The following KIRREL3 variants were observed in gnomAD, a reference collection of about 807,000 sequenced individuals.
KIRREL3 encodes the protein kin of IRRE-like protein 3.
In KIRREL3, 36 loss-of-function variants were observed where a neutral mutation model predicts 89.7. The observed-to-expected ratio is 0.40, with a 90% confidence interval of 0.31 to 0.53. The LOEUF is 0.53. Ranked by LOEUF, KIRREL3 falls within the 20% of genes least tolerant of loss-of-function variation. The probability of loss-of-function intolerance (pLI) is 0.49; values close to 1 mark genes in which losing one functional copy is unlikely to be tolerated. For synonymous variants in KIRREL3, 445 were observed against 441.4 expected (o/e 1.01, Z -0.10); for missense variants, 864 against 1,056.6 (o/e 0.82, Z 2.53).
rs1950084476 is a variant in KIRREL3 at position 126,993,156 on chromosome 11, C to T, written c.55+7299G>A. ...TAAAAATAACATGTTGATCCCTAAA[C>T]CCGTGATGTAGAGAGGACCACAAAC... On this transcript the variant is annotated intron_variant, in intron 1 of 16. Transcript: ENST00000525144. This position sits in a 1 kb window ranked among gnomAD's most constrained non-coding sequence, Gnocchi z 6.1. 6.6e-6 allele frequency among the ~76,000 whole-genome samples: 1 copy of T among 152,196 alleles called. No homozygotes were observed. The highest frequency in any genetic ancestry group is 1.5e-5 in the Non-Finnish European group (1 of 68,038).
intron 1 of KIRREL3, among the ~76,000 whole-genome samples, chr11:126,661,153 A>T (rs982361612): frequency 6.6e-6 from 1 of 152,234 alleles, no homozygotes; most frequent in Non-Finnish European, 1.5e-5. Flanking sequence ...CTTCTGGGTA[A>T]CCATGTTTTG....
rs980963333 is a variant in KIRREL3, at chr11:126,647,001, G to T, written c.56-84089C>A. Among the ~76,000 whole-genome samples the T allele has an allele frequency of 6.6e-6, 1 of 152,042 alleles. No individual in the cohort carries two copies. Among genetic ancestry groups the T allele is most frequent in the African/African-American group, 2.4e-5 (1 of 41,378 alleles). The stretch of plus-strand genomic sequence containing the variant: ...AAAAGAGACTTTAATGATCCTCAAT[G>T]GTATAAACTGAATTTTTATTCCTAC... On this transcript the variant is annotated intron_variant, in intron 1 of 16. Transcript: ENST00000525144. This position sits in a 1 kb window ranked among gnomAD's most constrained non-coding sequence, Gnocchi z 4.9.
At chr11:126,552,727 A>AT in intron 2 of KIRREL3, among the ~76,000 whole-genome samples, 1 of 151,380 alleles carries the variant, frequency 6.6e-6, no homozygotes, top group East Asian at 1.9e-4. Context: ...TGCCCAGCTA[A>AT]TTTTTTTGTA....
chr11:126,972,905 G>T (rs1293441888), intron 1 of KIRREL3, among the ~76,000 whole-genome samples: 1 of 151,996 alleles, frequency 6.6e-6, no homozygotes, highest in Non-Finnish European at 1.5e-5. Flanking sequence ...CATAAAAAGG[G>T]ACAGAAAAGA....
At chr11:126,984,401 C>A (rs1377149664) in intron 1 of KIRREL3, among the ~76,000 whole-genome samples, 1 of 152,070 alleles carries the variant, frequency 6.6e-6, no homozygotes, top group Non-Finnish European at 1.5e-5. Context: ...GATGAGTGCT[C>A]TATGCCTTCA....
chr11:126,514,069 T>C (rs1462157996), intron 4 of KIRREL3, among the ~76,000 whole-genome samples: 1 of 151,750 alleles, frequency 6.6e-6, no homozygotes, highest in Non-Finnish European at 1.5e-5. Context: ...CCAGGGGACA[T>C]GGGGGTAGTC....
At chr11:126,854,430 A>G (rs1467265256) in intron 1 of KIRREL3, among the ~76,000 whole-genome samples, 4 of 152,152 alleles carry the variant, frequency 2.6e-5, no homozygotes, top group Non-Finnish European at 5.9e-5. Flanking sequence ...CTTTGTCTCT[A>G]TGAATTTAAC....
chr11:126,695,164 T>C (rs943922181), intron 1 of KIRREL3, among the ~76,000 whole-genome samples: 1 of 152,218 alleles, frequency 6.6e-6, no homozygotes, highest in Non-Finnish European at 1.5e-5. Context: ...ATTTACTTTT[T>C]GGCCCTTTAC....
rs1353723710 is a variant in KIRREL3 at position 126,682,702 on chromosome 11, TC to T, written c.56-119791del. On this transcript the variant is annotated intron_variant, in intron 1 of 16. Transcript: ENST00000525144. This position sits in a 1 kb window ranked among gnomAD's most constrained non-coding sequence, Gnocchi z 4.8. ...TAAGAGACACAGCACACAGCCTAGA[TC>T]CATCACATGCGCAGTTCACAACAGG... is the stretch of plus-strand genomic sequence containing the variant. Among the ~76,000 whole-genome samples, 1 of 152,042 alleles carries T rather than the reference TC, an allele frequency of 6.6e-6. No individual in the cohort carries two copies. Among genetic ancestry groups the T allele is most frequent in the Non-Finnish European group, 1.5e-5 (1 of 68,016 alleles).
At chr11:126,849,100 G>A (rs998406029) in intron 1 of KIRREL3, among the ~76,000 whole-genome samples, 2 of 152,132 alleles carry the variant, frequency 1.3e-5, no homozygotes, top group Non-Finnish European at 2.9e-5. Flanking sequence ...ATAGGAGGTC[G>A]ACACAAGAGG....
intron 1 of KIRREL3, among the ~76,000 whole-genome samples, chr11:126,869,578 A>G (rs569929873): frequency 1.5e-4 from 23 of 152,276 alleles, no homozygotes; most frequent in Middle Eastern, 3.4e-3. Context: ...AGTCTAGTAA[A>G]CCAGGTGGAC....
At position 126,475,965 on chromosome 11, in the gene KIRREL3, G is replaced by A. The variant is rs755638376; in HGVS notation, c.434-2499C>T. ...TGAGCTAGCTGAGGGCCTGGAAAAA[G>A]AGCCACGTGGAGCCCTGGGGACAGC... On this transcript the variant is annotated intron_variant, in intron 4 of 16. Coordinates refer to ENST00000525144, the MANE Select transcript of KIRREL3 (RefSeq NM_032531.4). The surrounding 1 kb of genome is among the most constrained non-coding windows in gnomAD (Gnocchi z 7.5). Among the ~76,000 whole-genome samples, 3 of 152,220 alleles carry A rather than the reference G, an allele frequency of 2.0e-5. No homozygotes were observed. Among genetic ancestry groups the A allele is most frequent in the Non-Finnish European group, 4.4e-5 (3 of 68,026 alleles).
chr11:126,586,376 G>C (rs1231954438), intron 1 of KIRREL3, among the ~76,000 whole-genome samples: 1 of 152,104 alleles, frequency 6.6e-6, no homozygotes, highest in Non-Finnish European at 1.5e-5. Context: ...TTACCTTCAA[G>C]TACGAAGCGG....
chr11:126,818,779 G>A (rs10893580), intron 1 of KIRREL3, among the ~76,000 whole-genome samples: 131,055 of 151,800 alleles, frequency 0.86, 56,915 homozygotes, highest in East Asian at 1. Context: ...GTAGACTCTG[G>A]AAAGTTATTG....
chr11:126,967,275 C>T (rs1591395999), intron 1 of KIRREL3, among the ~76,000 whole-genome samples: 1 of 152,274 alleles, frequency 6.6e-6, no homozygotes, highest in Admixed American at 6.5e-5. Context: ...GGTGCTCCTT[C>T]ACCATGCCCG....
chr11:126,519,394 G>A lies in KIRREL3; in HGVS notation c.433+1921C>T, dbSNP rs1958518176. Among the ~76,000 whole-genome samples the A allele has an allele frequency of 6.6e-6, 1 of 152,206 alleles. No individual in the cohort carries two copies. The highest frequency in any genetic ancestry group is 1.5e-5 in the Non-Finnish European group (1 of 68,036). On this transcript the variant is annotated intron_variant, in intron 4 of 16. Transcript: ENST00000525144. The surrounding 1 kb of genome is among the most constrained non-coding windows in gnomAD (Gnocchi z 4.3). The stretch of plus-strand genomic sequence containing the variant: ...TTAAGCTGTGTCACCTCCTGTGAGT[G>A]CCTTTGCCTCTCTGAGTTTCCATTC...
At chr11:126,926,057 C>T (rs185951176) in intron 1 of KIRREL3, among the ~76,000 whole-genome samples, 8 of 152,236 alleles carry the variant, frequency 5.3e-5, no homozygotes, top group Non-Finnish European at 1.2e-4. Flanking sequence ...AACCACCACG[C>T]CCCTCTGCCT....
At chr11:126,743,047 C>G (rs1472557472) in intron 1 of KIRREL3, among the ~76,000 whole-genome samples, 1 of 152,184 alleles carries the variant, frequency 6.6e-6, no homozygotes, top group Admixed American at 6.5e-5. Context: ...ACAGGAAAAC[C>G]AATTTAAGAT....
intron 1 of KIRREL3, chr11:126,920,075 C>T (rs897555343): frequency 5.3e-5 from 8 of 152,294 alleles, no homozygotes; most frequent in African/African-American, 1.9e-4. Flanking sequence ...AACCCCATGA[C>T]GTACTTGTCA....
Sources: gnomAD v4.1 joint callset for allele counts (sites outside exome capture counted in the v4.1 genomes callset) on GRCh38, gnomAD v4.1.1 for gene constraint, Gnocchi (gnomAD v3.1) non-coding constraint, MANE v1.5 for transcripts, NCBI Gene and HGNC (gene_info 2026-07-23, HGNC 2026-07-21) for gene names.